Variants in UCKL1 observed in about 807,000 individuals in gnomAD.
UCKL1 encodes uridine-cytidine kinase-like 1.
UCKL1 carries 65 observed loss-of-function variants against 59.2 expected under a neutral mutation model. The ratio of observed to expected loss-of-function variants is 1.10; its 90% CI spans 0.90 to 1.35. UCKL1 has a LOEUF of 1.35. Ranked by LOEUF, UCKL1 falls within the 40% of genes most tolerant of loss-of-function variation. UCKL1 has a pLI of 0.00. For synonymous variants in UCKL1, 410 were observed against 323.1 expected (o/e 1.27, Z -2.88); for missense variants, 703 against 784.3 (o/e 0.90, Z 1.24).
intron 7 of UCKL1, among the ~76,000 whole-genome samples, chr20:63,944,075 A>G (rs930499875): frequency 6.6e-6 from 1 of 152,184 alleles, no homozygotes; most frequent in Non-Finnish European, 1.5e-5. Context: ...AAACCCCACA[A>G]TCCTGGGCCA....
At position 63,940,312 on chromosome 20, in the gene UCKL1, G is replaced by A. The variant is rs1355966228; in HGVS notation, c.1411-6C>T. On this transcript the variant is annotated splice_region_variant and splice_polypyrimidine_tract_variant and intron_variant, in intron 13 of 14. Coordinates refer to ENST00000354216, the MANE Select transcript of UCKL1 (RefSeq NM_017859.4). The stretch of plus-strand genomic sequence containing the variant: ...TCCTCAGGCACGTCGTGGTCCTACC[G>A]AGTGTATTGGGCAGGTAAATCCCAC... The A allele has an allele frequency of 3.1e-6, 5 of 1,612,492 alleles. No individual in the cohort carries two copies. The highest frequency in any genetic ancestry group is 1.7e-5 in the Admixed American group (1 of 59,994).
rs763446376 is a variant in UCKL1, at chr20:63,946,585, G to C, written c.172C>G (p.Arg58Gly). The change falls in exon 2 of 15, where the codon CGG becomes GGG. Residue 58 changes from arginine to glycine, a missense_variant. Coordinates refer to ENST00000354216, the MANE Select transcript of UCKL1 (RefSeq NM_017859.4). ...TTGCACTGGCTGGTGGTCCGCTTCC[G>C]GGGAGAGCGCCCAGTGCCCACAGGT... ...LPPVGTGRSPRKRTTSQCKSE... is the reference protein window; with the variant it reads ...LPPVGTGRSPGKRTTSQCKSE... 6.2e-7 allele frequency: 1 copy of C among 1,611,264 alleles called. No individual in the cohort carries two copies.
At position 63,941,127 on chromosome 20, in the gene UCKL1, G is replaced by A; in HGVS notation, c.1005C>T (p.Gly335=). 4 of 1,597,508 alleles carry A rather than the reference G, an allele frequency of 2.5e-6. No individual in the cohort carries two copies. Among genetic ancestry groups the A allele is most frequent in the South Asian group, 1.1e-5 (1 of 89,704 alleles). ...SVLKSTPQVR[G]MHTIIRDKET... is the part of the protein sequence containing the mutation. Reference sequence around the variant, plus strand: ...GCCCTCACCTGATGATGGTGTGCATGCCCCGTACCTGCGGCGTGCTCTTCA... The same window carrying A: ...GCCCTCACCTGATGATGGTGTGCATACCCCGTACCTGCGGCGTGCTCTTCA... Residue 335 remains glycine, a synonymous_variant, in exon 9 of 15, where the codon GGC becomes GGT. Transcript: ENST00000354216.
At chr20:63,954,049 G>A in intron 1 of UCKL1, 1 of 153,228 alleles carries the variant, frequency 6.5e-6, no homozygotes, top group Non-Finnish European at 1.5e-5. Context: ...GGAGCAGGGA[G>A]GAGCTAGCCC....
At chr20:63,951,670 C>T (rs985074356) in intron 1 of UCKL1, among the ~76,000 whole-genome samples, 6 of 152,096 alleles carry the variant, frequency 3.9e-5, no homozygotes, top group Admixed American at 6.5e-5. Context: ...ACAGGGGACA[C>T]AGCCACCTCC....
Position 63,945,906 on chromosome 20 carries a change from C to T in UCKL1, c.481G>A (p.Asp161Asn). 1 of 1,613,882 alleles carries T rather than the reference C, an allele frequency of 6.2e-7. No homozygotes were observed. Among genetic ancestry groups the T allele is most frequent in the Non-Finnish European group, 8.5e-7 (1 of 1,179,998 alleles). ...AGGGTGGAAATGATGAGGTCGAAGT[C>T]AAAGGCATCTGGGTGGTCGAAGTTG... ...NFNFDHPDAFDFDLIISTLKK... is the reference protein window; with the variant it reads ...NFNFDHPDAFNFDLIISTLKK... Residue 161 changes from aspartate (D) to asparagine (N), a missense_variant, in exon 4 of 15, where the codon GAC becomes AAC. This residue lies in a region of UCKL1 where 398 missense variants were observed against 373.0 expected (regional missense o/e 1.07). Coordinates refer to ENST00000354216, the MANE Select transcript of UCKL1 (RefSeq NM_017859.4).
At chr20:63,942,402 G>A (rs1484236691) in intron 8 of UCKL1, 3 of 1,174,526 alleles carry the variant, frequency 2.6e-6, no homozygotes, top group Non-Finnish European at 3.2e-6. Flanking sequence ...AGGGCCTAGC[G>A]GGAGCAGCGG....
In UCKL1 at chr20:63,940,728, G is replaced by C; in HGVS notation, c.1180-12C>G. On this transcript the variant is annotated splice_polypyrimidine_tract_variant and intron_variant, in intron 11 of 14. Coordinates refer to ENST00000354216, the MANE Select transcript of UCKL1 (RefSeq NM_017859.4). ...GACACACCGGTGATCTGCGGGGAGG[G>C]GAGGCTAAGCGCCCACATCCCGCCC... 6.2e-7 allele frequency: 1 copy of C among 1,607,362 alleles called. No individual in the cohort carries two copies. Among genetic ancestry groups the C allele is most frequent in the East Asian group, 2.2e-5 (1 of 44,706 alleles).
intron 1 of UCKL1, among the ~76,000 whole-genome samples, chr20:63,951,618 C>G (rs1311185416): frequency 6.6e-6 from 1 of 152,178 alleles, no homozygotes; most frequent in Non-Finnish European, 1.5e-5. Context: ...CCTGCAGGGA[C>G]CTGCAGCCAC....
chr20:63,940,701 T>C lies in UCKL1; in HGVS notation c.1195A>G (p.Ile399Val). 1.2e-6 allele frequency: 2 copies of C among 1,608,844 alleles called. No individual in the cohort carries two copies. Among genetic ancestry groups the C allele is most frequent in the Non-Finnish European group, 1.7e-6 (2 of 1,178,696 alleles). ...YAGKQITGVS[I>V]LRAGETMEPA... ...TCCATGGTTTCACCGGCGCGCAGAA[T>C]GGACACACCGGTGATCTGCGGGGAG... Residue 399 changes from isoleucine to valine, a missense_variant, in exon 12 of 15, where the codon ATT becomes GTT. By Grantham distance (29) the Ile-to-Val change is conservative. This residue lies in a region of UCKL1 where 25 missense variants were observed against 64.5 expected (regional missense o/e 0.39). Transcript: ENST00000354216.
At chr20:63,941,978 AAG>A (rs1174927052) in intron 8 of UCKL1, among the ~76,000 whole-genome samples, 1 of 148,802 alleles carries the variant, frequency 6.7e-6, no homozygotes, top group Admixed American at 6.7e-5. Context: ...CAGGGCAGAA[AAG>A]AGGCGTGACA....
Position 63,943,686 on chromosome 20 carries a change from G to A in UCKL1, c.907-17C>T. On this transcript the variant is annotated splice_polypyrimidine_tract_variant and intron_variant, in intron 7 of 14. Transcript: ENST00000354216. ...GAGTTCACGCTGTGGCAGCAACACAGGAAGACACAAGGGAACGGTGGCGCG... is the reference window on the plus strand; with the variant it reads ...GAGTTCACGCTGTGGCAGCAACACAAGAAGACACAAGGGAACGGTGGCGCG... The A allele has an allele frequency of 6.2e-7, 1 of 1,612,598 alleles. No homozygotes were observed.
Position 63,956,264 on chromosome 20 carries a change from C to T in UCKL1, c.109G>A (p.Asp37Asn). 1.3e-6 allele frequency: 2 copies of T among 1,542,346 alleles called. No individual in the cohort carries two copies. Among genetic ancestry groups the T allele is most frequent in the South Asian group, 2.4e-5 (2 of 82,700 alleles). The change falls in exon 1 of 15, where the codon GAC becomes AAC. Residue 37 changes from aspartate (D) to asparagine (N), a missense_variant. Around this residue, in one of 4 missense-constraint regions of UCKL1, gnomAD observed 398 missense variants for 373.0 expected, o/e 1.07. Transcript: ENST00000354216. ...GGAGGCGAGGCCCACGCCTACCGGT[C>T]CTCGCACGCGGTCTCGCTTTTCTCA... ...QAEKSETACEDRSNAESLDRL... is the reference protein window; with the variant it reads ...QAEKSETACENRSNAESLDRL...
At chr20:63,950,733 G>A (rs1451388454) in intron 1 of UCKL1, 24 of 1,505,790 alleles carry the variant, frequency 1.6e-5, no homozygotes, top group Admixed American at 1.4e-4. Flanking sequence ...TGCCCCTCAC[G>A]GCAGAGACCT....
chr20:63,942,550 G>C (rs2054877533), intron 8 of UCKL1: 2 of 1,060,712 alleles, frequency 1.9e-6, no homozygotes, highest in African/African-American at 3.4e-5. Flanking sequence ...GGGGTTTACA[G>C]AGAGAAGGAA....
rs1313713963 is a variant in UCKL1, at chr20:63,941,082, G to T, written c.1022+28C>A. The stretch of plus-strand genomic sequence containing the variant: ...AGTTGAGCGGGAGCACGCGCCCGGG[G>T]CCGCCCCGTCCCCAGGTGGGCCCTC... On this transcript the variant is annotated intron_variant, in intron 9 of 14. Coordinates refer to ENST00000354216, the MANE Select transcript of UCKL1 (RefSeq NM_017859.4). 1.9e-6 allele frequency: 3 copies of T among 1,600,026 alleles called. No individual in the cohort carries two copies. In the Admixed American group the frequency reaches 5.2e-5, roughly 27 times the overall value.
At position 63,940,802 on chromosome 20, in the gene UCKL1, C is replaced by T; in HGVS notation, c.1171G>A (p.Gly391Arg). The change falls in exon 11 of 15, where the codon GGG becomes AGG. Residue 391 changes from glycine (G) to arginine (R), a missense_variant. Around this residue, in one of 4 missense-constraint regions of UCKL1, gnomAD observed 156 missense variants for 185.6 expected, o/e 0.84. Coordinates refer to ENST00000354216, the MANE Select transcript of UCKL1 (RefSeq NM_017859.4). Reference protein sequence around the residue: ...GQDYAGKCYAGKQITGVSILR... With the variant: ...GQDYAGKCYARKQITGVSILR... ...TGTGCCCAGGCAGGTACCTGCTTCCCCGCATAGCACTTGCCCGCATAGTCC... is the reference window on the plus strand; with the variant it reads ...TGTGCCCAGGCAGGTACCTGCTTCCTCGCATAGCACTTGCCCGCATAGTCC... 1.9e-6 allele frequency: 3 copies of T among 1,584,616 alleles called. No individual in the cohort carries two copies. The highest frequency in any genetic ancestry group is 2.6e-6 in the Non-Finnish European group (3 of 1,166,972).
rs1444059531 is a variant in UCKL1 at position 63,940,210 on chromosome 20, T to A, written c.1507A>T (p.Ile503Phe). ...CGCTTGTCCACCGCCGTGGTGATGA[T>A]TCTCACTCGCGGAAATGCATAGGCC... ...SVAYAFPRVR[I>F]ITTAVDKRVN... The change falls in exon 14 of 15, where the codon ATC becomes TTC. Residue 503 changes from isoleucine (I) to phenylalanine (F), a missense_variant. Ile to Phe is a conservative substitution (Grantham distance 21). This residue lies in a region of UCKL1 where 124 missense variants were observed against 161.1 expected (regional missense o/e 0.77). Transcript: ENST00000354216. 1 of 1,612,646 alleles carries A rather than the reference T, an allele frequency of 6.2e-7. No homozygotes were observed. The highest frequency in any genetic ancestry group is 8.5e-7 in the Non-Finnish European group (1 of 1,179,988).
chr20:63,956,273 C>T lies in UCKL1; in HGVS notation c.100G>A (p.Ala34Thr). 6.4e-6 allele frequency: 10 copies of T among 1,551,166 alleles called. No individual in the cohort carries two copies. The highest frequency in any genetic ancestry group is 7.8e-6 in the Non-Finnish European group (9 of 1,153,274). The change falls in exon 1 of 15, where the codon GCG (alanine) becomes ACG (threonine). Residue 34 changes from alanine (A) to threonine (T), a missense_variant. Physicochemically the swap from Ala to Thr is moderately conservative, Grantham distance 58 (BLOSUM62 0). Transcript: ENST00000354216. ...GCCCACGCCTACCGGTCCTCGCACG[C>T]GGTCTCGCTTTTCTCAGCCTGCCGG... ...PGRQAEKSET[A>T]CEDRSNAESL...
Sources: allele counts gnomAD v4.1 joint callset (sites outside exome capture counted in the v4.1 genomes callset), GRCh38; gene constraint gnomAD v4.1.1; regional missense constraint gnomAD v4.1.1; transcripts MANE v1.5; gene names NCBI Gene and HGNC (gene_info 2026-07-23, HGNC 2026-07-21).